Variants in NRXN1 observed in about 807,000 individuals in gnomAD.
The protein encoded by NRXN1 is neurexin-1.
NRXN1 carries 39 observed loss-of-function variants against 150.9 expected under a neutral mutation model. The ratio of observed to expected loss-of-function variants is 0.26; its 90% confidence interval spans 0.20 to 0.34. The LOEUF (loss-of-function observed/expected upper bound fraction) is 0.34, where lower values mean the gene tolerates loss of function less well. NRXN1 is among the 10% of genes least tolerant of loss of function. The pLI is 1.00. For missense variants in NRXN1, 1,815 were observed against 1,949.9 expected (o/e 0.93, Z 1.30); for synonymous variants, 924 against 757.0 (o/e 1.22, Z -3.62).
At chr2:50,894,029 T>A (rs1681510343) in intron 5 of NRXN1, among the ~76,000 whole-genome samples, 1 of 151,942 alleles carries the variant, frequency 6.6e-6, no homozygotes, top group Non-Finnish European at 1.5e-5. Flanking sequence ...TGGTTCCAAG[T>A]CTTTGCTATT....
At chr2:50,161,890 G>A (rs2059385126) in intron 18 of NRXN1, among the ~76,000 whole-genome samples, 2 of 152,082 alleles carry the variant, frequency 1.3e-5, no homozygotes, top group African/African-American at 2.4e-5. Context: ...AGGGGATGAC[G>A]AAGTTTTGGA....
chr2:50,716,393 T>C (rs1695873056), intron 5 of NRXN1, among the ~76,000 whole-genome samples: 1 of 152,040 alleles, frequency 6.6e-6, no homozygotes, highest in Non-Finnish European at 1.5e-5. Flanking sequence ...CATTATTGAC[T>C]AAATTAAAAC....
At chr2:50,476,368 C>T (rs1042322744) in intron 15 of NRXN1, among the ~76,000 whole-genome samples, 4 of 152,134 alleles carry the variant, frequency 2.6e-5, no homozygotes, top group African/African-American at 9.7e-5. Flanking sequence ...TCTACAAACC[C>T]TGGCTCTGCC....
chr2:50,115,456 TA>T (rs1295542106), intron 18 of NRXN1, among the ~76,000 whole-genome samples: 2 of 151,832 alleles, frequency 1.3e-5, no homozygotes, highest in Admixed American at 6.6e-5. Flanking sequence ...CTTTCTCATT[TA>T]ATATCCACAA....
At chr2:50,887,360 GGCTATTTA>G (rs1408285974) in intron 5 of NRXN1, among the ~76,000 whole-genome samples, 2 of 151,362 alleles carry the variant, frequency 1.3e-5, no homozygotes, top group Non-Finnish European at 3.0e-5. Flanking sequence ...ATACGTACTA[GGCTATTTA>G]ATACTGTTTC....
At chr2:49,930,627 G>GA (rs746876996) in intron 22 of NRXN1, among the ~76,000 whole-genome samples, 4 of 152,072 alleles carry the variant, frequency 2.6e-5, no homozygotes, top group Non-Finnish European at 5.9e-5. Flanking sequence ...TCACTTAAAT[G>GA]TTTCATCCAA....
At chr2:50,354,900 A>G in intron 17 of NRXN1, among the ~76,000 whole-genome samples, 1 of 151,960 alleles carries the variant, frequency 6.6e-6, no homozygotes, top group East Asian at 1.9e-4. Context: ...CACATCTACC[A>G]CTGCAGAAAG....
intron 5 of NRXN1, among the ~76,000 whole-genome samples, chr2:50,859,433 C>T (rs1675773048): frequency 6.6e-6 from 1 of 151,898 alleles, no homozygotes; most frequent in African/African-American, 2.4e-5. Flanking sequence ...AGGGTTATTT[C>T]TAGGAGAAGT....
intron 2 of NRXN1, among the ~76,000 whole-genome samples, chr2:50,941,560 T>C (rs1689451224): frequency 6.6e-6 from 1 of 152,238 alleles, no homozygotes; most frequent in Non-Finnish European, 1.5e-5. Flanking sequence ...TGCTATGCTT[T>C]AGCAAAGGAG....
At chr2:50,404,764 A>G (rs1167331198) in intron 17 of NRXN1, among the ~76,000 whole-genome samples, 3 of 152,116 alleles carry the variant, frequency 2.0e-5, no homozygotes, top group Non-Finnish European at 4.4e-5. Flanking sequence ...AGGATCAGGA[A>G]AAAGGCCTGG....
chr2:50,728,323 T>C (rs930688840), intron 5 of NRXN1, among the ~76,000 whole-genome samples: 2 of 152,192 alleles, frequency 1.3e-5, no homozygotes, highest in Non-Finnish European at 2.9e-5. Context: ...AATAAGGTAA[T>C]AATTTGCTTT....
At chr2:50,456,111 G>A (rs1192152752) in intron 17 of NRXN1, among the ~76,000 whole-genome samples, 1 of 152,110 alleles carries the variant, frequency 6.6e-6, no homozygotes, top group East Asian at 1.9e-4. Flanking sequence ...TATAAGAAGT[G>A]TTCACACCTA....
At chr2:50,873,032 A>C (rs1431092481) in intron 5 of NRXN1, among the ~76,000 whole-genome samples, 1 of 151,770 alleles carries the variant, frequency 6.6e-6, no homozygotes, top group African/African-American at 2.4e-5. Flanking sequence ...CCACTCCCCC[A>C]TATGATGTCT....
chr2:50,085,043 T>A (rs6740554), intron 19 of NRXN1, among the ~76,000 whole-genome samples: 49,468 of 152,090 alleles, frequency 0.33, 8,492 homozygotes, highest in Non-Finnish European at 0.38. Context: ...TAGACACTTG[T>A]TTAATTTACT....
chr2:50,669,133 A>AT (rs1559100745), intron 5 of NRXN1, among the ~76,000 whole-genome samples: 1 of 151,920 alleles, frequency 6.6e-6, no homozygotes, highest in East Asian at 1.9e-4. Context: ...ACTCAAAGAA[A>AT]TAACAAACAA....
chr2:50,025,660 A>C (rs1688172117), intron 21 of NRXN1, among the ~76,000 whole-genome samples: 1 of 152,224 alleles, frequency 6.6e-6, no homozygotes, highest in South Asian at 2.1e-4. Flanking sequence ...ACATTTCTGG[A>C]AGTAATATTA....
At chr2:50,235,925 G>T (rs77788316) in intron 18 of NRXN1, among the ~76,000 whole-genome samples, 1 of 151,942 alleles carries the variant, frequency 6.6e-6, no homozygotes, top group Non-Finnish European at 1.5e-5. Flanking sequence ...GACACACTAC[G>T]ATTTTTTGGA....
At chr2:50,204,905 G>A (rs1177405457) in intron 18 of NRXN1, among the ~76,000 whole-genome samples, 1 of 151,920 alleles carries the variant, frequency 6.6e-6, no homozygotes, top group Non-Finnish European at 1.5e-5. Flanking sequence ...ATTACTTCTG[G>A]TGTTATTCCT....
chr2:51,020,624 G>A (rs1423763454), intron 2 of NRXN1, among the ~76,000 whole-genome samples: 9 of 151,444 alleles, frequency 5.9e-5, no homozygotes, highest in South Asian at 4.2e-4. Flanking sequence ...TTATCTACTC[G>A]CAAACAATCT....
Sources: gnomAD v4.1 joint callset for allele counts (sites outside exome capture counted in the v4.1 genomes callset) on GRCh38, gnomAD v4.1.1 for gene constraint, MANE v1.5 for transcripts, NCBI Gene and HGNC (gene_info 2026-07-23, HGNC 2026-07-21) for gene names.